Variants in GDAP1 observed in about 807,000 individuals in gnomAD.
GDAP1 encodes ganglioside induced differentiation associated protein 1.
A neutral mutation model predicts 40.1 loss-of-function variants in GDAP1; 34 were observed. That is an observed-to-expected ratio of 0.85 (90% CI 0.64 to 1.13). GDAP1 has a LOEUF of 1.13. Ranked by LOEUF, GDAP1 falls within the 50% of genes most tolerant of loss-of-function variation. GDAP1 has a pLI of 0.00. For missense variants in GDAP1, 374 were observed against 433.7 expected (o/e 0.86, Z 1.22); for synonymous variants, 170 against 157.4 (o/e 1.08, Z -0.60).
At chr8:74,445,076 C>T (rs989200111) in intron 2 of GDAP1, among the ~76,000 whole-genome samples, 3 of 152,160 alleles carry the variant, frequency 2.0e-5, no homozygotes, top group Non-Finnish European at 2.9e-5. Flanking sequence ...TCAAGTTCAA[C>T]GTCCTAGTCG....
intron 2 of GDAP1, among the ~76,000 whole-genome samples, chr8:74,424,106 T>G (rs1397011373): frequency 6.6e-6 from 1 of 152,176 alleles, no homozygotes; most frequent in African/African-American, 2.4e-5. Context: ...TTATATATTA[T>G]AGTGTTATAT....
At chr8:74,483,325 C>A (rs1806736633) in intron 2 of GDAP1, among the ~76,000 whole-genome samples, 1 of 151,980 alleles carries the variant, frequency 6.6e-6, no homozygotes. Flanking sequence ...GACATTTGAA[C>A]CATAGTTTTT....
At chr8:74,399,105 A>T (rs1810268087) in intron 2 of GDAP1, among the ~76,000 whole-genome samples, 1 of 152,014 alleles carries the variant, frequency 6.6e-6, no homozygotes, top group Non-Finnish European at 1.5e-5. Flanking sequence ...TATTGATTGG[A>T]ATAGTTTCAG....
At chr8:74,366,936 C>G (rs1247126751), downstream of GDAP1, 2 of 362,148 alleles carry the variant, frequency 5.5e-6, no homozygotes, top group South Asian at 4.4e-5. Context: ...AAAATCAAAG[C>G]ATCATGTGGT....
At chr8:74,386,346 A>G (rs1008143338) in intron 2 of GDAP1, among the ~76,000 whole-genome samples, 5 of 152,140 alleles carry the variant, frequency 3.3e-5, no homozygotes, top group African/African-American at 1.2e-4. Context: ...TCCTTAATCT[A>G]TCTTGTATTA....
chr8:74,485,290 C>T lies in GDAP1; in HGVS notation c.166-3388C>T, dbSNP rs2128721932. Reference sequence around the variant, plus strand: ...GTCCTTCAGAAAGCAGTGCAGCAATCTAAGTCAAGTAATTGTTGACCTAGG... The same window carrying T: ...GTCCTTCAGAAAGCAGTGCAGCAATTTAAGTCAAGTAATTGTTGACCTAGG... On this transcript the variant is annotated intron_variant, in intron 2 of 2. Coordinates refer to the GDAP1 transcript ENST00000523640. Among the ~76,000 whole-genome samples the T allele has an allele frequency of 2.0e-5, 3 of 152,266 alleles. No individual in the cohort carries two copies. The South Asian group carries it at 6.2e-4, about 32-fold the overall frequency.
rs1047125763 is a variant in GDAP1, at chr8:74,416,484, C to T, written c.165+65163C>T. ...CCTCAGCTATCATCATTGCCTGCAG[C>T]ACCCGGGCTAACCAGGAGGTCCTGA... On this transcript the variant is annotated intron_variant, in intron 2 of 2. Coordinates refer to the GDAP1 transcript ENST00000523640. Among the ~76,000 whole-genome samples, 2 of 150,258 alleles carry T rather than the reference C, an allele frequency of 1.3e-5. 1 individual carries two copies. The highest frequency in any genetic ancestry group is 5.1e-5 in the African/African-American group (2 of 39,530).
At chr8:74,361,774 G>A (rs1183182469) in intron 3 of GDAP1, 110 bp from the exon 4 acceptor site, 3 of 734,050 alleles carry the variant, frequency 4.1e-6, no homozygotes, top group Non-Finnish European at 7.4e-6. Context: ...GAGAAGCAGG[G>A]CATGAGCCCC....
intron 2 of GDAP1, among the ~76,000 whole-genome samples, chr8:74,487,532 G>C (rs982446146): frequency 6.6e-6 from 1 of 152,088 alleles, no homozygotes; most frequent in East Asian, 1.9e-4. Context: ...TGAGAAAAGC[G>C]GGAAATATGA....
chr8:74,485,653 A>C (rs1023295348), intron 2 of GDAP1, among the ~76,000 whole-genome samples: 1 of 152,112 alleles, frequency 6.6e-6, no homozygotes, highest in African/African-American at 2.4e-5. Flanking sequence ...GAAGAACCTG[A>C]AGGCTGGAGA....
intron 2 of GDAP1, among the ~76,000 whole-genome samples, chr8:74,390,470 CCCACT>C (rs1464143000): frequency 6.6e-6 from 1 of 152,208 alleles, no homozygotes; most frequent in African/African-American, 2.4e-5. Context: ...TTGCTGGAAG[CCCACT>C]CCACACCCTG....
intron 2 of GDAP1, among the ~76,000 whole-genome samples, chr8:74,478,302 T>C (rs1806661398): frequency 6.6e-6 from 1 of 152,078 alleles, no homozygotes; most frequent in Non-Finnish European, 1.5e-5. Context: ...GGTGCACAGC[T>C]GTGCCGGCCA....
At chr8:74,356,666 G>A (rs1241881307) in intron 2 of GDAP1, among the ~76,000 whole-genome samples, 13 of 132,670 alleles carry the variant, frequency 9.8e-5, no homozygotes, top group Non-Finnish European at 1.4e-4. Flanking sequence ...TTTAGTGTGT[G>A]TGTGTGTGTG....
intron 2 of GDAP1, among the ~76,000 whole-genome samples, chr8:74,393,104 G>A (rs757278698): frequency 2.6e-5 from 4 of 152,156 alleles, no homozygotes; most frequent in Non-Finnish European, 5.9e-5. Context: ...ATTCATCAGT[G>A]TCTGGAAATT....
At chr8:74,434,520 G>A (rs1341845865) in intron 2 of GDAP1, among the ~76,000 whole-genome samples, 1 of 152,168 alleles carries the variant, frequency 6.6e-6, no homozygotes, top group African/African-American at 2.4e-5. Flanking sequence ...TATTCCCAGA[G>A]TGAGATGAGT....
In GDAP1 at chr8:74,366,783, T is replaced by A; in HGVS notation, c.*2416T>A. The A allele has an allele frequency of 2.2e-6, 1 of 453,886 alleles. No individual in the cohort carries two copies. The highest frequency in any genetic ancestry group is 1.6e-5 in the South Asian group (1 of 64,420). The allele number at this position is 453,886 out of a possible 1,614,324, so 28.1% of individuals were successfully genotyped here. A position where few individuals can be genotyped will look rare whatever the true frequency, so the allele number is the denominator to read the frequency against. The stretch of plus-strand genomic sequence containing the variant: ...TTGCTGTTGACACCAGCGTTGTAGA[T>A]TTTTGGTGTTGTTGAATGCAGTAGA... On this transcript the variant is annotated 3_prime_UTR_variant, in exon 6 of 6. Coordinates refer to ENST00000220822, the MANE Select transcript of GDAP1 (RefSeq NM_018972.4).
chr8:74,435,818 TAAAA>T (rs1806081895), intron 2 of GDAP1, among the ~76,000 whole-genome samples: 1 of 152,192 alleles, frequency 6.6e-6, no homozygotes, highest in South Asian at 2.1e-4. Context: ...GTCTAGAATA[TAAAA>T]AAGTTTATTG....
chr8:74,391,919 A>G (rs1177056256), intron 2 of GDAP1, among the ~76,000 whole-genome samples: 2 of 152,098 alleles, frequency 1.3e-5, no homozygotes, highest in African/African-American at 2.4e-5. Context: ...CCCGGGTTCA[A>G]GTGATTCTCC....
intron 2 of GDAP1, among the ~76,000 whole-genome samples, chr8:74,485,704 GA>G (rs531758830): frequency 2.7e-4 from 41 of 149,688 alleles, no homozygotes; most frequent in Non-Finnish European, 4.0e-4. Flanking sequence ...GGAGAAAGAT[GA>G]AAAAAAAAAT....
Sources: gnomAD v4.1 joint callset for allele counts (sites outside exome capture counted in the v4.1 genomes callset) on GRCh38, gnomAD v4.1.1 for gene constraint, MANE v1.5 for transcripts, NCBI Gene and HGNC (gene_info 2026-07-23, HGNC 2026-07-21) for gene names.